Variants in ZNF236 observed in about 807,000 individuals in gnomAD.
ZNF236 encodes the protein zinc finger protein 236, also known as regulated by glucose.
A neutral mutation model predicts 191.2 loss-of-function variants in ZNF236; 50 were observed. The observed-to-expected ratio is 0.26, with a 90% CI of 0.21 to 0.33. The LOEUF (loss-of-function observed/expected upper bound fraction) is 0.33, where lower values mean the gene tolerates loss of function less well. Ranked by LOEUF, ZNF236 falls within the 10% of genes least tolerant of loss-of-function variation. The pLI, the probability that ZNF236 is intolerant of heterozygous loss-of-function variation, is 1.00. For synonymous variants in ZNF236, 907 were observed against 928.8 expected (o/e 0.98, Z 0.43); for missense variants, 1,754 against 2,374.5 (o/e 0.74, Z 5.43).
intron 1 of ZNF236, among the ~76,000 whole-genome samples, chr18:76,830,036 A>C (rs931109046): frequency 2.0e-5 from 3 of 152,012 alleles, no homozygotes; most frequent in Non-Finnish European, 4.4e-5. Flanking sequence ...ACGCCTGGCT[A>C]ATTTTTTGTG....
chr18:76,828,924 C>T (rs1975086658), intron 1 of ZNF236, among the ~76,000 whole-genome samples: 2 of 152,150 alleles, frequency 1.3e-5, no homozygotes, highest in Non-Finnish European at 2.9e-5. Context: ...GCTTGGCCTC[C>T]CAGTGTTAGG....
chr18:76,922,589 C>T (rs1238134260), intron 20 of ZNF236, among the ~76,000 whole-genome samples: 4 of 149,668 alleles, frequency 2.7e-5, no homozygotes, highest in African/African-American at 7.4e-5. Context: ...CAGAGTCTGA[C>T]TTTGTCACCC....
intron 9 of ZNF236, among the ~76,000 whole-genome samples, chr18:76,882,408 A>G (rs1411354686): frequency 3.3e-5 from 5 of 152,154 alleles, no homozygotes; most frequent in Admixed American, 2.6e-4. Flanking sequence ...CTTCTAGGTA[A>G]TAAGCTCTTT....
At chr18:76,864,924 A>G (rs1220629290) in intron 3 of ZNF236, among the ~76,000 whole-genome samples, 2 of 152,290 alleles carry the variant, frequency 1.3e-5, no homozygotes, top group South Asian at 2.1e-4. Context: ...AATTCTAAAA[A>G]GTAATCCAGG....
At chr18:76,838,783 A>G (rs1375682942) in intron 1 of ZNF236, among the ~76,000 whole-genome samples, 1 of 152,202 alleles carries the variant, frequency 6.6e-6, no homozygotes. Context: ...GGTTGGCTCA[A>G]TGAATTTTTC....
intron 1 of ZNF236, among the ~76,000 whole-genome samples, chr18:76,847,462 TTTTA>T (rs1287082144): frequency 6.6e-6 from 1 of 152,052 alleles, no homozygotes; most frequent in Non-Finnish European, 1.5e-5. Context: ...TTTTATTTAT[TTTTA>T]TTTATTTATT....
chr18:76,874,160 CCTGA>C (rs1976654755), intron 5 of ZNF236, among the ~76,000 whole-genome samples: 1 of 152,254 alleles, frequency 6.6e-6, no homozygotes, highest in Non-Finnish European at 1.5e-5. Flanking sequence ...CACTGTGCCT[CCTGA>C]CTGTCTGTCC....
chr18:76,862,190 C>G (rs1010038609), intron 3 of ZNF236, among the ~76,000 whole-genome samples: 1 of 152,134 alleles, frequency 6.6e-6, no homozygotes, highest in African/African-American at 2.4e-5. Flanking sequence ...TCCCAGACAC[C>G]TGGACACGGT....
intron 4 of ZNF236, among the ~76,000 whole-genome samples, 189 bp downstream of exon 4, chr18:76,869,052 G>A (rs926793297): frequency 6.6e-6 from 1 of 152,196 alleles, no homozygotes; most frequent in Non-Finnish European, 1.5e-5. Flanking sequence ...ATAGTGTCAG[G>A]CTATGTGAGT....
chr18:76,852,159 T>C (rs575486882), intron 3 of ZNF236, among the ~76,000 whole-genome samples: 48 of 152,362 alleles, frequency 3.2e-4, no homozygotes, highest in South Asian at 1.7e-3. Context: ...TAATGTGTAG[T>C]ATATTTGAAG....
chr18:76,923,282 T>G (rs978811350), intron 21 of ZNF236, 108 bp downstream of exon 21: 7 of 716,420 alleles, frequency 9.8e-6, no homozygotes, highest in Middle Eastern at 2.5e-4. Flanking sequence ...TATAGAACGC[T>G]TAAAAATGAG....
chr18:76,869,688 G>C (rs1003784344), intron 4 of ZNF236, among the ~76,000 whole-genome samples: 1 of 152,196 alleles, frequency 6.6e-6, no homozygotes, highest in Non-Finnish European at 1.5e-5. Flanking sequence ...AGGCACAGTA[G>C]TTCACACCTG....
In ZNF236 at chr18:76,904,127, A is replaced by G. The variant is rs73488913; in HGVS notation, c.1895-253A>G. Among the ~76,000 whole-genome samples the G allele has an allele frequency of 3.3e-3, 503 of 151,640 alleles. 1 individual carries two copies. Among genetic ancestry groups the G allele is most frequent in the African/African-American group, 0.012 (477 of 41,390 alleles). On this transcript the variant is annotated intron_variant, in intron 11 of 30. Coordinates refer to ENST00000320610, the MANE Select transcript of ZNF236 (RefSeq NM_001306089.2). ...TTTAAAAAATGAGCAACATTAATAT[A>G]TATTAATTTATAATGTTTGTTAATT...
Position 76,925,596 on chromosome 18 carries a change from A to G in ZNF236, c.4027+42A>G, listed in dbSNP as rs144302345. 1 of 1,593,360 alleles carries G rather than the reference A, an allele frequency of 6.3e-7. No individual in the cohort carries two copies. The highest frequency in any genetic ancestry group is 1.1e-5 in the South Asian group (1 of 89,416). ...GGGAATGAGAGCAGCACAGTGATTG[A>G]ACTGTTCTGTGCTGCTTCTGTCTGT... On this transcript the variant is annotated intron_variant, in intron 22 of 30. Coordinates refer to ENST00000320610, the MANE Select transcript of ZNF236 (RefSeq NM_001306089.2). This position sits in a 1 kb window ranked among gnomAD's most constrained non-coding sequence, Gnocchi z 5.7.
intron 1 of ZNF236, among the ~76,000 whole-genome samples, chr18:76,844,593 C>T (rs918568264): frequency 1.3e-5 from 2 of 152,182 alleles, no homozygotes; most frequent in Non-Finnish European, 2.9e-5. Flanking sequence ...ACTGTTATAT[C>T]TCTCATTTTA....
At chr18:76,951,850 A>G (rs1006592378) in intron 27 of ZNF236, among the ~76,000 whole-genome samples, 3 of 152,210 alleles carry the variant, frequency 2.0e-5, no homozygotes, top group Non-Finnish European at 2.9e-5. Flanking sequence ...GAACACTTAC[A>G]GGCATTGTGG....
rs547864849 is a variant in ZNF236 at position 76,895,396 on chromosome 18, A to C, written c.1690+111A>C. ...CACACAGTAGGCACACAGGTACTGCACACAAGTACTGCTCACAGGGACTGC... is the reference window on the plus strand; with the variant it reads ...CACACAGTAGGCACACAGGTACTGCCCACAAGTACTGCTCACAGGGACTGC... On this transcript the variant is annotated intron_variant, in intron 10 of 30. Transcript: ENST00000320610. 36 of 1,411,728 alleles carry C rather than the reference A, an allele frequency of 2.6e-5. No homozygotes were observed. The African/African-American group carries it at 4.6e-4, about 18-fold the overall frequency. 87.5% of individuals were successfully genotyped at this position (1,411,728 alleles called of 1,614,324 possible). A position where few individuals can be genotyped will look rare whatever the true frequency, so the allele number is the denominator to read the frequency against.
At chr18:76,915,892 A>G (rs1212243095) in intron 19 of ZNF236, 33 bp downstream of exon 19, 2 of 1,585,462 alleles carry the variant, frequency 1.3e-6, no homozygotes, top group East Asian at 4.5e-5. Context: ...AGGTGTATTA[A>G]CCCGATGCTA....
In ZNF236 at chr18:76,959,824, G is replaced by T; in HGVS notation, c.5242+8G>T. 1 of 1,612,022 alleles carries T rather than the reference G, an allele frequency of 6.2e-7. No individual in the cohort carries two copies. Reference sequence around the variant, plus strand: ...ACAGCCGCATACATACAGGTAACGGGGAAGGACGTGCTTTTGTTTCCTTAC... The same window carrying T: ...ACAGCCGCATACATACAGGTAACGGTGAAGGACGTGCTTTTGTTTCCTTAC... On this transcript the variant is annotated splice_region_variant and intron_variant, in intron 29 of 30. Coordinates refer to ENST00000320610, the MANE Select transcript of ZNF236 (RefSeq NM_001306089.2).
Sources: gnomAD v4.1 joint callset for allele counts (sites outside exome capture counted in the v4.1 genomes callset) on GRCh38, gnomAD v4.1.1 for gene constraint, Gnocchi (gnomAD v3.1) non-coding constraint, MANE v1.5 for transcripts, NCBI Gene and HGNC (gene_info 2026-07-23, HGNC 2026-07-21) for gene names.